The following CDH12 variants were observed in gnomAD, a reference collection of about 807,000 sequenced individuals.
CDH12 encodes cadherin 12.
Under a neutral mutation model 74.1 loss-of-function variants are expected in CDH12, and 41 were observed. The ratio of observed to expected loss-of-function variants is 0.55; its 90% CI spans 0.43 to 0.72. CDH12 has a LOEUF of 0.72. Ranked by LOEUF, CDH12 falls within the 30% of genes least tolerant of loss-of-function variation. CDH12 has a pLI of 0.00. For missense variants in CDH12, 945 were observed against 977.2 expected (o/e 0.97, Z 0.44); for synonymous variants, 399 against 355.0 (o/e 1.12, Z -1.39).
chr5:21,858,240 C>T (rs1263364878), intron 6 of CDH12, among the ~76,000 whole-genome samples: 1 of 151,764 alleles, frequency 6.6e-6, no homozygotes, highest in Non-Finnish European at 1.5e-5. Flanking sequence ...GGAAATTTAA[C>T]AACTTAGTAA....
chr5:22,370,704 C>A (rs1468233432), intron 3 of CDH12, among the ~76,000 whole-genome samples: 1 of 151,970 alleles, frequency 6.6e-6, no homozygotes, highest in African/African-American at 2.4e-5. Context: ...GAAATAGGAC[C>A]AAGTTCAGTA....
intron 10 of CDH12, among the ~76,000 whole-genome samples, chr5:21,787,210 G>T (rs1274141600): frequency 6.6e-6 from 1 of 152,158 alleles, no homozygotes; most frequent in Non-Finnish European, 1.5e-5. Context: ...AGCATCACAT[G>T]CTGCAGAGAA....
chr5:21,764,439 G>A (rs1243133571), intron 12 of CDH12, among the ~76,000 whole-genome samples: 1 of 150,488 alleles, frequency 6.6e-6, no homozygotes, highest in Non-Finnish European at 1.5e-5. Flanking sequence ...CTTGAGGTCA[G>A]GAGTTCGAGT....
chr5:22,837,990 AG>A (rs1736908577), intron 1 of CDH12, among the ~76,000 whole-genome samples: 2 of 152,220 alleles, frequency 1.3e-5, no homozygotes, highest in Admixed American at 1.3e-4. Context: ...AGAATTGACC[AG>A]AAATGCAATT....
chr5:22,657,339 T>C (rs1286588985), intron 1 of CDH12, among the ~76,000 whole-genome samples: 2 of 152,172 alleles, frequency 1.3e-5, no homozygotes, highest in Non-Finnish European at 1.5e-5. Flanking sequence ...TGTGAGTATA[T>C]ACTTAGACAA....
chr5:21,930,471 T>C (rs2150080335), intron 6 of CDH12, among the ~76,000 whole-genome samples: 1 of 152,332 alleles, frequency 6.6e-6, no homozygotes, highest in East Asian at 1.9e-4. Context: ...TTTCCCATCA[T>C]GCCTTTTGGT....
At chr5:22,622,998 A>G (rs1738060437) in intron 1 of CDH12, among the ~76,000 whole-genome samples, 1 of 152,214 alleles carries the variant, frequency 6.6e-6, no homozygotes, top group Non-Finnish European at 1.5e-5. Flanking sequence ...CATCCCTGGG[A>G]TGCAAGACTG....
chr5:22,534,032 A>G, intron 1 of CDH12, among the ~76,000 whole-genome samples: 1 of 151,854 alleles, frequency 6.6e-6, no homozygotes, highest in Admixed American at 6.6e-5. Flanking sequence ...AAGACAATGA[A>G]AAAATTTTTA....
chr5:22,486,896 T>C (rs1052431770), intron 2 of CDH12, among the ~76,000 whole-genome samples: 3 of 152,204 alleles, frequency 2.0e-5, no homozygotes, highest in African/African-American at 7.2e-5. Context: ...CTTTCACATC[T>C]AGACCTGGAA....
intron 2 of CDH12, among the ~76,000 whole-genome samples, chr5:22,489,037 T>G (rs565294016): frequency 5.3e-4 from 79 of 147,734 alleles, no homozygotes; most frequent in African/African-American, 1.8e-3. Flanking sequence ...TGAAAGTAAT[T>G]GCAGTTTTTT....
chr5:22,310,818 A>G (rs1738357624), intron 3 of CDH12, among the ~76,000 whole-genome samples: 1 of 152,178 alleles, frequency 6.6e-6, no homozygotes, highest in Non-Finnish European at 1.5e-5. Context: ...ATCTGATCAT[A>G]TTGAAATGTG....
chr5:22,454,755 C>T (rs1274161052), intron 2 of CDH12, among the ~76,000 whole-genome samples: 2 of 152,156 alleles, frequency 1.3e-5, no homozygotes, highest in Non-Finnish European at 2.9e-5. Context: ...GATTACAGGC[C>T]TGAGCCACTG....
At chr5:22,087,422 T>G (rs767363847) in intron 4 of CDH12, among the ~76,000 whole-genome samples, 7 of 152,018 alleles carry the variant, frequency 4.6e-5, no homozygotes, top group Non-Finnish European at 8.8e-5. Flanking sequence ...AGCAGATCAC[T>G]TGAGGCCAGG....
At chr5:22,704,961 A>G (rs1469440556) in intron 1 of CDH12, among the ~76,000 whole-genome samples, 1 of 151,978 alleles carries the variant, frequency 6.6e-6, no homozygotes, top group Non-Finnish European at 1.5e-5. Context: ...CTTAGCTCAT[A>G]CAAAAAATTC....
At chr5:22,430,807 G>A (rs952486122) in intron 2 of CDH12, among the ~76,000 whole-genome samples, 1 of 152,054 alleles carries the variant, frequency 6.6e-6, no homozygotes, top group African/African-American at 2.4e-5. Context: ...CAGCCAAGCA[G>A]CTAAAATTAG....
chr5:22,674,712 C>T (rs1741077455), intron 1 of CDH12, among the ~76,000 whole-genome samples: 1 of 152,104 alleles, frequency 6.6e-6, no homozygotes, highest in African/African-American at 2.4e-5. Flanking sequence ...CAAAGAGTTC[C>T]AGGCTGAGGT....
At chr5:22,016,547 A>C (rs768882779) in intron 5 of CDH12, among the ~76,000 whole-genome samples, 10 of 151,730 alleles carry the variant, frequency 6.6e-5, no homozygotes, top group Non-Finnish European at 1.5e-4. Context: ...AGGAATGTCC[A>C]GCTAACTTCT....
intron 5 of CDH12, among the ~76,000 whole-genome samples, chr5:22,008,568 C>A (rs1304289533): frequency 1.3e-5 from 2 of 152,134 alleles, no homozygotes; most frequent in Non-Finnish European, 2.9e-5. Context: ...TGAAGACCCT[C>A]AAGTTTCACA....
chr5:21,802,628 C>G (rs1747195676), intron 9 of CDH12, among the ~76,000 whole-genome samples: 3 of 141,268 alleles, frequency 2.1e-5, no homozygotes, highest in Non-Finnish European at 3.0e-5. Flanking sequence ...GTCTCTCCCT[C>G]TCTCCCAGGC....
Sources: allele counts gnomAD v4.1 joint callset (sites outside exome capture counted in the v4.1 genomes callset), GRCh38; gene constraint gnomAD v4.1.1; transcripts MANE v1.5; gene names NCBI Gene and HGNC (gene_info 2026-07-23, HGNC 2026-07-21).